Variants in ATG10 observed in about 807,000 individuals in gnomAD.
ATG10 encodes ubiquitin-like-conjugating enzyme ATG10.
ATG10 carries 30 observed loss-of-function variants against 32.1 expected under a neutral mutation model. The ratio of observed to expected loss-of-function variants is 0.94; its 90% CI spans 0.70 to 1.27. The LOEUF (loss-of-function observed/expected upper bound fraction) is 1.27. Among genes scored for constraint, ATG10 ranks in the 50% most tolerant of loss-of-function variants. ATG10 has a pLI of 0.00. For missense variants in ATG10, 233 were observed against 262.3 expected, an observed-to-expected ratio of 0.89 and a Z score of 0.77; for synonymous variants, 87 against 91.5, an observed-to-expected ratio of 0.95 and a Z score of 0.28.
chr5:82,052,458 C>G (rs1252154498), intron 2 of ATG10, among the ~76,000 whole-genome samples: 1 of 152,162 alleles, frequency 6.6e-6, no homozygotes, highest in Non-Finnish European at 1.5e-5. Context: ...AGGACATTTT[C>G]TCCTTAGAAG....
intron 3 of ATG10, among the ~76,000 whole-genome samples, chr5:82,088,626 A>G (rs779542673): frequency 1.3e-5 from 2 of 152,280 alleles, no homozygotes; most frequent in Non-Finnish European, 2.9e-5. Context: ...TGGAGATGAC[A>G]TTTAAAGAAA....
chr5:82,182,765 C>T (rs1744283083), intron 5 of ATG10, among the ~76,000 whole-genome samples: 1 of 152,022 alleles, frequency 6.6e-6, no homozygotes, highest in African/African-American at 2.4e-5. Context: ...CGTGAGGGAA[C>T]CTTATGGCAG....
At chr5:82,237,474 C>G (rs563407356) in intron 5 of ATG10, among the ~76,000 whole-genome samples, 28 of 151,982 alleles carry the variant, frequency 1.8e-4, no homozygotes, top group African/African-American at 6.5e-4. Flanking sequence ...TGAAACCCCG[C>G]CTCTACTAAA....
At chr5:82,022,248 C>G (rs914618279) in intron 2 of ATG10, among the ~76,000 whole-genome samples, 5 of 151,626 alleles carry the variant, frequency 3.3e-5, no homozygotes, top group Non-Finnish European at 7.4e-5. Flanking sequence ...CTTGCTGATA[C>G]AGAAGACTGG....
At chr5:82,221,053 G>A (rs1425536006) in intron 5 of ATG10, among the ~76,000 whole-genome samples, 1 of 152,122 alleles carries the variant, frequency 6.6e-6, no homozygotes, top group Non-Finnish European at 1.5e-5. Flanking sequence ...CACTGTGCCC[G>A]GCCTTCCATC....
intron 3 of ATG10, among the ~76,000 whole-genome samples, chr5:82,129,022 C>G (rs1766397806): frequency 6.6e-6 from 1 of 151,800 alleles, no homozygotes; most frequent in Non-Finnish European, 1.5e-5. Flanking sequence ...GGTCTTTTCA[C>G]ATAGTCCCAT....
At chr5:82,252,425 A>C in intron 5 of ATG10, 137 bp from the exon 6 acceptor site, 2 of 630,908 alleles carry the variant, frequency 3.2e-6, no homozygotes, top group South Asian at 3.9e-5. Context: ...TTTTAAAAAT[A>C]GAAAATAAAC....
chr5:82,249,890 C>T (rs778900792), intron 5 of ATG10, among the ~76,000 whole-genome samples: 8 of 152,168 alleles, frequency 5.3e-5, no homozygotes, highest in Non-Finnish European at 8.8e-5. Context: ...TGCCTATCCA[C>T]CTCTTAGATA....
chr5:82,063,332 A>C (rs1426952275), intron 3 of ATG10, among the ~76,000 whole-genome samples: 2 of 152,132 alleles, frequency 1.3e-5, no homozygotes, highest in Non-Finnish European at 2.9e-5. Flanking sequence ...CAAAATAAAA[A>C]CAAAAAAACC....
chr5:82,172,174 A>T (rs1241875555), intron 4 of ATG10, among the ~76,000 whole-genome samples: 2 of 152,208 alleles, frequency 1.3e-5, no homozygotes, highest in African/African-American at 2.4e-5. Context: ...GGCAGTGTTG[A>T]TGGGGACCAC....
chr5:82,166,458 A>G (rs1018899080), intron 4 of ATG10, among the ~76,000 whole-genome samples: 2 of 152,198 alleles, frequency 1.3e-5, no homozygotes, highest in Admixed American at 6.5e-5. Context: ...TGTGCAGCAT[A>G]CTGAATGTTT....
chr5:81,993,710 G>A (rs536846389), intron 2 of ATG10, among the ~76,000 whole-genome samples: 1 of 152,156 alleles, frequency 6.6e-6, no homozygotes, highest in Admixed American at 6.5e-5. Context: ...ACAGACGTGA[G>A]CCACCGTGCC....
intron 2 of ATG10, among the ~76,000 whole-genome samples, chr5:82,037,698 T>C (rs1403683130): frequency 6.6e-6 from 1 of 152,172 alleles, no homozygotes; most frequent in East Asian, 1.9e-4. Flanking sequence ...AAATGTCTTA[T>C]AGGTTTTTTC....
intron 2 of ATG10, among the ~76,000 whole-genome samples, chr5:81,993,396 T>TCTTTTCTTTTCTTA (rs1457131341): frequency 3.1e-5 from 4 of 130,300 alleles, no homozygotes; most frequent in Non-Finnish European, 6.3e-5. Flanking sequence ...TTCTTTTTTT[T>TCTTTTCTTTTCTTA]TCTTTTCTTT....
intron 2 of ATG10, among the ~76,000 whole-genome samples, chr5:82,056,577 C>T (rs896128966): frequency 4.6e-5 from 7 of 152,046 alleles, no homozygotes; most frequent in East Asian, 1.9e-4. Context: ...TCTCTGGGGC[C>T]GGCAGTACTG....
At chr5:82,010,337 A>C (rs1302090296) in intron 2 of ATG10, among the ~76,000 whole-genome samples, 1 of 152,180 alleles carries the variant, frequency 6.6e-6, no homozygotes, top group African/African-American at 2.4e-5. Context: ...AATTAGATAA[A>C]TAAGTGTTGC....
chr5:82,003,235 A>G (rs908478722), intron 2 of ATG10, among the ~76,000 whole-genome samples: 13 of 152,236 alleles, frequency 8.5e-5, no homozygotes, highest in African/African-American at 3.1e-4. Flanking sequence ...AAAGTACCGT[A>G]ATATTAATCT....
At chr5:82,198,453 TG>T (rs927879769) in intron 5 of ATG10, among the ~76,000 whole-genome samples, 2 of 152,076 alleles carry the variant, frequency 1.3e-5, no homozygotes, top group African/African-American at 4.8e-5. Context: ...AATAGAGAGA[TG>T]GGGTTTTGCT....
At chr5:82,164,573 A>G (rs753392431) in intron 4 of ATG10, 36 bp downstream of exon 4, 7 of 1,544,002 alleles carry the variant, frequency 4.5e-6, no homozygotes, top group Non-Finnish European at 6.2e-6. Flanking sequence ...TAAATTTATA[A>G]CATTTACATA....
Sources: gnomAD v4.1 joint callset for allele counts (sites outside exome capture counted in the v4.1 genomes callset) on GRCh38, gnomAD v4.1.1 for gene constraint, MANE v1.5 for transcripts, NCBI Gene and HGNC (gene_info 2026-07-23, HGNC 2026-07-21) for gene names.